SPG11: variants seen among roughly 807,000 people sequenced by gnomAD.
SPG11 encodes SPG11 vesicle trafficking associated, spatacsin.
Under a neutral mutation model 274.0 loss-of-function variants are expected in SPG11, and 222 were observed. That is an observed-to-expected ratio of 0.81 (90% CI 0.73 to 0.91). The LOEUF is 0.91. SPG11 is among the 40% of genes least tolerant of loss of function. SPG11 has a pLI of 0.00. For synonymous variants in SPG11, 1,144 were observed against 1,039.7 expected (o/e 1.10, Z -1.93); for missense variants, 3,114 against 2,872.7 (o/e 1.08, Z -1.92).
In SPG11 at chr15:44,628,792, AT is replaced by A; in HGVS notation, c.1943del (p.Asn648MetfsTer7). The A allele has an allele frequency of 6.2e-7, 1 of 1,613,750 alleles. No individual in the cohort carries two copies. The highest frequency in any genetic ancestry group is 8.5e-7 in the Non-Finnish European group (1 of 1,179,970). ...KGVNILTSYI[N>X]ELRTFMIKFP... Reference sequence around the variant, plus strand: ...ACTTTATCATGAAGGTTCGAAGTTCATTAATGTAGCTAGTCAAAATGTTCAC... The same window carrying A: ...ACTTTATCATGAAGGTTCGAAGTTCATAATGTAGCTAGTCAAAATGTTCAC... On this transcript the variant is annotated frameshift_variant, in exon 10 of 40. Coordinates refer to ENST00000261866, the MANE Select transcript of SPG11 (RefSeq NM_025137.4). LOFTEE classifies it high-confidence loss of function.
intron 36 of SPG11, 181 bp downstream of exon 36, chr15:44,567,243 T>C: frequency 1.7e-6 from 1 of 571,836 alleles, no homozygotes; most frequent in Non-Finnish European, 3.0e-6. Context: ...CCCAGCTACT[T>C]GGGAGGCTGA....
rs529105473 is a variant in SPG11 at position 44,582,312 on chromosome 15, C to T, written c.5866+1502G>A. Among the ~76,000 whole-genome samples, 24 of 152,282 alleles carry T rather than the reference C, an allele frequency of 1.6e-4. No homozygotes were observed. In the East Asian group the frequency reaches 4.6e-3, roughly 29 times the overall value. ...CCGGTAATCACAGCACTTTGGGAGA[C>T]CAAGATGGGCGGATCACTTGAGGTA... is the stretch of plus-strand genomic sequence containing the variant. On this transcript the variant is annotated intron_variant, in intron 30 of 39. Transcript: ENST00000261866.
chr15:44,598,882 G>A, intron 21 of SPG11, 46 bp from the exon 22 acceptor site: 1 of 1,570,622 alleles, frequency 6.4e-7, no homozygotes, highest in Admixed American at 1.7e-5. Context: ...TGAAAATTAT[G>A]TCTCACCAGG....
Position 44,611,091 on chromosome 15 carries a change from T to TAAAAAAAAAAA in SPG11, c.3146-117_3146-107dup, listed in dbSNP as rs35831490. 68 of 70,068 alleles carry TAAAAAAAAAAA rather than the reference T, an allele frequency of 9.7e-4. 4 individuals are homozygous for TAAAAAAAAAAA. Among genetic ancestry groups the TAAAAAAAAAAA allele is most frequent in the African/African-American group, 4.0e-3 (59 of 14,712 alleles). The allele number at this position is 70,068 out of a possible 1,614,324, so 4.3% of individuals were successfully genotyped here. On this transcript the variant is annotated intron_variant, in intron 17 of 39. Transcript: ENST00000261866. ...CATAAATTTTTAACTCTATCCCCAG[T>TAAAAAAAAAAA]AAAAAAAAAAAAAAAAAAAAAAAAA... is the stretch of plus-strand genomic sequence containing the variant.
rs1479657715 is a variant in SPG11 at position 44,583,817 on chromosome 15, T to C, written c.5863A>G (p.Ser1955Gly). ...APDIPLRRVH[S>G]TSSLDSQKFV... ...CCATCTGATCTCCTTCACTTACTGC[T>C]GTGGACTCTCCTTAGGGGAATGTCG... Residue 1955 changes from serine (S) to glycine (G), a missense_variant, in exon 30 of 40, where the codon AGC (serine) becomes GGC (glycine). Transcript: ENST00000261866. 1 of 1,614,180 alleles carries C rather than the reference T, an allele frequency of 6.2e-7. No homozygotes were observed. Among genetic ancestry groups the C allele is most frequent in the African/African-American group, 1.3e-5 (1 of 75,048 alleles).
chr15:44,633,952 C>A (rs780476371), intron 7 of SPG11, among the ~76,000 whole-genome samples: 3 of 152,040 alleles, frequency 2.0e-5, no homozygotes, highest in Non-Finnish European at 4.4e-5. Context: ...GATTCTCCTG[C>A]CCCAGCCTCC....
rs200338880 is a variant in SPG11 at position 44,620,266 on chromosome 15, G to A, written c.2758C>T (p.Leu920=). ...ASLQQNKWPL[L]TVDVINQNTS... ...TTCTGGTTAATAACATCAACAGTCA[G>A]AAGGGGCCATTTGTTCTGCTGAAGT... The change falls in exon 15 of 40, where the codon CTG becomes TTG. Residue 920 remains leucine (L), a synonymous_variant. Transcript: ENST00000261866. 1.2e-6 allele frequency: 2 copies of A among 1,614,090 alleles called. No individual in the cohort carries two copies. Among genetic ancestry groups the A allele is most frequent in the East Asian group, 2.2e-5 (1 of 44,860 alleles).
chr15:44,632,020 G>A (rs768847185), intron 8 of SPG11, among the ~76,000 whole-genome samples: 1 of 151,578 alleles, frequency 6.6e-6, no homozygotes, highest in African/African-American at 2.4e-5. Context: ...TGTTACCCAG[G>A]CTAGTCTCAA....
In SPG11 at chr15:44,584,403, T is replaced by C. The variant is rs1235239403; in HGVS notation, c.5277A>G (p.Ala1759=). ...TGCTCCATCCAGTTGGGTGCTCACA[T>C]GCCACATGGGCCTGGGTTGAGAAAA... is the stretch of plus-strand genomic sequence containing the variant. ...SSFFSTQAHV[A]CEHPTGWSSM... Residue 1759 remains alanine, a synonymous_variant, in exon 30 of 40, where the codon GCA becomes GCG. Coordinates refer to ENST00000261866, the MANE Select transcript of SPG11 (RefSeq NM_025137.4). The C allele has an allele frequency of 6.2e-7, 1 of 1,614,140 alleles. No homozygotes were observed. The highest frequency in any genetic ancestry group is 8.5e-7 in the Non-Finnish European group (1 of 1,179,980).
rs1207295680 is a variant in SPG11, at chr15:44,606,111, A to G, written c.3454-20T>C. 7 of 1,610,606 alleles carry G rather than the reference A, an allele frequency of 4.3e-6. No homozygotes were observed. Among genetic ancestry groups the G allele is most frequent in the Admixed American group, 1.7e-5 (1 of 59,958 alleles). On this transcript the variant is annotated intron_variant, in intron 19 of 39. Coordinates refer to ENST00000261866, the MANE Select transcript of SPG11 (RefSeq NM_025137.4). ...TAATGACTGAAAAAGGGGAAAAGTT[A>G]AACAGAATTAGAAGTTCACTGATTA...
chr15:44,645,379 T>A (rs1271697329), intron 7 of SPG11, among the ~76,000 whole-genome samples: 2 of 152,234 alleles, frequency 1.3e-5, no homozygotes, highest in African/African-American at 4.8e-5. Flanking sequence ...AAGAACTCCC[T>A]ATTCAATTAA....
chr15:44,572,521 CT>C, intron 33 of SPG11, 161 bp downstream of exon 33: 2 of 681,788 alleles, frequency 2.9e-6, no homozygotes, highest in Non-Finnish European at 5.0e-6. Context: ...TCTAAATTTT[CT>C]TCAGTGAAGT....
chr15:44,632,121 T>C (rs892589638), intron 8 of SPG11, among the ~76,000 whole-genome samples: 2 of 152,068 alleles, frequency 1.3e-5, no homozygotes, highest in African/African-American at 4.8e-5. Context: ...CATTACTTCT[T>C]TTACATAAGG....
intron 30 of SPG11, 83 bp from the exon 31 acceptor site, chr15:44,575,124 T>C: frequency 6.4e-7 from 1 of 1,560,248 alleles, no homozygotes; most frequent in South Asian, 1.1e-5. Flanking sequence ...ACCTCTCTGC[T>C]TGAAGCTCCC....
chr15:44,622,182 G>A (rs777108568), intron 13 of SPG11, 38 bp downstream of exon 13: 1 of 1,592,400 alleles, frequency 6.3e-7, no homozygotes, highest in East Asian at 2.2e-5. Context: ...CTATCTAACG[G>A]TATTCTAATA....
In SPG11 at chr15:44,572,794, CTG is replaced by C. The variant is rs1555447459; in HGVS notation, c.6230_6231del (p.Thr2077ArgfsTer26). The C allele has an allele frequency of 1.9e-6, 3 of 1,614,016 alleles. No homozygotes were observed. Among genetic ancestry groups the C allele is most frequent in the Non-Finnish European group, 2.5e-6 (3 of 1,179,998 alleles). ...AGCTGAAGAAATGTCTGGCTTTCCT[CTG>C]TTGGGTTGAACATCTGCTTATGTCC... ...GTGHKQMFNP[T>X]EESQTFLQLT... On this transcript the variant is annotated frameshift_variant, in exon 33 of 40. Coordinates refer to ENST00000261866, the MANE Select transcript of SPG11 (RefSeq NM_025137.4). LOFTEE classifies it high-confidence loss of function.
At chr15:44,633,324 CAAAAAAAAAAAAAAAAA>C (rs531787427) in intron 8 of SPG11, 164 bp downstream of exon 8, 1,833 of 108,576 alleles carry the variant, frequency 0.017, 7 homozygotes, top group East Asian at 0.035. Flanking sequence ...GACTCTGTCT[CAAAAAAAAAAAAAAAAA>C]AAAAAAAAAA....
rs2083755021 is a variant in SPG11, at chr15:44,621,674, T to C, written c.2620+85A>G. 6 of 1,320,236 alleles carry C rather than the reference T, an allele frequency of 4.5e-6. No individual in the cohort carries two copies. The Admixed American group carries it at 6.8e-5, about 15-fold the overall frequency. The allele number at this position is 1,320,236 out of a possible 1,614,324, so 81.8% of individuals were successfully genotyped here. A position where few individuals can be genotyped will look rare whatever the true frequency, so the allele number is the denominator to read the frequency against. On this transcript the variant is annotated intron_variant, in intron 14 of 39. Coordinates refer to ENST00000261866, the MANE Select transcript of SPG11 (RefSeq NM_025137.4). ...TTATTTCCCGAAAGGAATTCTAAAA[T>C]TGAGACACATCAAAATATTCAAATA... is the stretch of plus-strand genomic sequence containing the variant.
intron 10 of SPG11, 61 bp downstream of exon 10, chr15:44,628,608 A>T: frequency 6.9e-7 from 1 of 1,442,712 alleles, no homozygotes; most frequent in Non-Finnish European, 9.7e-7. Flanking sequence ...GTTTCTTTCT[A>T]TTGTTTTCTC....
Sources: gnomAD v4.1 joint callset for allele counts (sites outside exome capture counted in the v4.1 genomes callset) on GRCh38, gnomAD v4.1.1 for gene constraint, MANE v1.5 for transcripts, NCBI Gene and HGNC (gene_info 2026-07-23, HGNC 2026-07-21) for gene names.